PALLD: variants seen among roughly 807,000 people sequenced by gnomAD.
PALLD encodes palladin, cytoskeletal associated protein.
PALLD carries 61 observed loss-of-function variants against 123.5 expected under a neutral mutation model. The ratio of observed to expected loss-of-function variants is 0.49; its 90% CI spans 0.40 to 0.61. PALLD has a LOEUF of 0.61. Ranked by LOEUF, PALLD falls within the 20% of genes least tolerant of loss-of-function variation. PALLD has a pLI of 0.00. For missense variants in PALLD, 1,273 were observed against 1,377.0 expected (o/e 0.92, Z 1.20); for synonymous variants, 465 against 496.4 (o/e 0.94, Z 0.84).
intron 10 of PALLD, among the ~76,000 whole-genome samples, chr4:168,744,894 C>T (rs1035075956): frequency 6.6e-6 from 1 of 152,110 alleles, no homozygotes; most frequent in Non-Finnish European, 1.5e-5. Flanking sequence ...TAAAGGTAGG[C>T]TGAGCTATGA....
chr4:168,564,496 G>A (rs1313607144), intron 2 of PALLD, among the ~76,000 whole-genome samples: 2 of 152,144 alleles, frequency 1.3e-5, no homozygotes, highest in Admixed American at 6.6e-5. Context: ...GCTCTTCAAG[G>A]TCTTACTAGA....
In PALLD at chr4:168,759,203, ATATATATATATAT is replaced by A. The variant is rs1269222588; in HGVS notation, c.1964+47281_1964+47293del. ...TCAAAAAAAAAAAAAAAAAAAAAAAATATATATATATATATATATATATATATATATATATATA... is the reference window on the plus strand; with the variant it reads ...TCAAAAAAAAAAAAAAAAAAAAAAAAATATATATATATATATATATATATA... On this transcript the variant is annotated intron_variant, in intron 10 of 21. Transcript: ENST00000505667. Among the ~76,000 whole-genome samples the A allele has an allele frequency of 1.7e-3, 69 of 39,494 alleles. 10 individuals are homozygous for A. The highest frequency in any genetic ancestry group is 2.5e-3 in the African/African-American group (19 of 7,492). The allele number at this position is 39,494 out of a possible 152,430, so 25.9% of individuals were successfully genotyped here.
At chr4:168,833,307 G>A (rs1225544939) in intron 10 of PALLD, among the ~76,000 whole-genome samples, 1 of 151,870 alleles carries the variant, frequency 6.6e-6, no homozygotes, top group Non-Finnish European at 1.5e-5. Context: ...CTGCGGAGCC[G>A]GGTCTTGCGC....
At chr4:168,849,266 C>A (rs556616990) in intron 10 of PALLD, among the ~76,000 whole-genome samples, 15 of 152,366 alleles carry the variant, frequency 9.8e-5, no homozygotes, top group Admixed American at 3.9e-4. Context: ...GCCCCTGGTG[C>A]AAGCACCAGC....
intron 2 of PALLD, among the ~76,000 whole-genome samples, chr4:168,564,544 A>G (rs1224751675): frequency 6.6e-6 from 1 of 152,196 alleles, no homozygotes; most frequent in East Asian, 1.9e-4. Flanking sequence ...TAGACTAAAC[A>G]AGATGTTTTC....
At chr4:168,713,322 A>C (rs527685632) in intron 10 of PALLD, among the ~76,000 whole-genome samples, 2 of 152,322 alleles carry the variant, frequency 1.3e-5, no homozygotes, top group Non-Finnish European at 2.9e-5. Context: ...AGCAACCCAT[A>C]AAATTAATTG....
intron 10 of PALLD, among the ~76,000 whole-genome samples, chr4:168,719,550 A>G (rs887717323): frequency 7.2e-5 from 11 of 152,162 alleles, no homozygotes; most frequent in South Asian, 4.1e-4. Flanking sequence ...GTGAGCCACC[A>G]TGCCCAGCCA....
intron 2 of PALLD, among the ~76,000 whole-genome samples, chr4:168,572,106 C>T (rs369269236): frequency 6.6e-6 from 1 of 152,052 alleles, no homozygotes; most frequent in African/African-American, 2.4e-5. Flanking sequence ...AGTAAGAAAT[C>T]GACTTCCTGT....
At chr4:168,784,364 A>G (rs10006432) in intron 10 of PALLD, among the ~76,000 whole-genome samples, 50,107 of 151,976 alleles carry the variant, frequency 0.33, 8,898 homozygotes, top group Non-Finnish European at 0.41. Context: ...AGAAAAGAAA[A>G]GAAAAGAGAA....
At chr4:168,753,223 G>A (rs1731304266) in intron 10 of PALLD, among the ~76,000 whole-genome samples, 6 of 152,080 alleles carry the variant, frequency 3.9e-5, no homozygotes, top group Admixed American at 1.3e-4. Context: ...TGCCATTTAA[G>A]TACAAGGAGA....
intron 10 of PALLD, among the ~76,000 whole-genome samples, chr4:168,764,663 C>T (rs754665476): frequency 6.6e-6 from 1 of 152,150 alleles, no homozygotes; most frequent in South Asian, 2.1e-4. Context: ...GGTGTCCATG[C>T]GTTAGGCAAA....
chr4:168,531,497 C>T lies in PALLD; in HGVS notation c.908+19085C>T, dbSNP rs577138315. Reference sequence around the variant, plus strand: ...CCAGACCAGAACAAAGCTGAAAAATCGGCAGGTGTGAATGACTCACACTGG... The same window carrying T: ...CCAGACCAGAACAAAGCTGAAAAATTGGCAGGTGTGAATGACTCACACTGG... On this transcript the variant is annotated intron_variant, in intron 2 of 21. Coordinates refer to ENST00000505667, the MANE Select transcript of PALLD (RefSeq NM_001166108.2). Among the ~76,000 whole-genome samples the T allele has an allele frequency of 9.8e-5, 15 of 152,286 alleles. No homozygotes were observed. The East Asian group carries it at 1.5e-3, about 16-fold the overall frequency.
intron 2 of PALLD, among the ~76,000 whole-genome samples, chr4:168,604,429 C>A (rs1772967081): frequency 6.6e-6 from 1 of 152,156 alleles, no homozygotes; most frequent in African/African-American, 2.4e-5. Flanking sequence ...GAACACGTAA[C>A]ATGGCCAGTT....
intron 2 of PALLD, among the ~76,000 whole-genome samples, chr4:168,540,777 T>C (rs1213979086): frequency 6.6e-6 from 1 of 151,440 alleles, no homozygotes; most frequent in Non-Finnish European, 1.5e-5. Flanking sequence ...GCCCCCTTTT[T>C]AATGAAAAGA....
chr4:168,605,057 T>C (rs1285875538), intron 2 of PALLD, among the ~76,000 whole-genome samples: 1 of 152,170 alleles, frequency 6.6e-6, no homozygotes, highest in Non-Finnish European at 1.5e-5. Flanking sequence ...GAATATCAAA[T>C]ATAAACTGCC....
chr4:168,907,748 G>C (rs1054699120), intron 15 of PALLD, among the ~76,000 whole-genome samples: 1 of 152,144 alleles, frequency 6.6e-6, no homozygotes, highest in Admixed American at 6.5e-5. Flanking sequence ...GCAATGAGAA[G>C]TGGACCAAGA....
chr4:168,805,008 A>AC (rs1255220725), intron 10 of PALLD, among the ~76,000 whole-genome samples: 3 of 152,064 alleles, frequency 2.0e-5, no homozygotes, highest in Non-Finnish European at 4.4e-5. Flanking sequence ...AAAATACAAA[A>AC]ATTAGCTGGG....
intron 2 of PALLD, among the ~76,000 whole-genome samples, chr4:168,527,422 CA>C (rs35555541): frequency 0.014 from 757 of 52,856 alleles, 14 homozygotes; most frequent in African/African-American, 0.074. Context: ...AACTCCATCT[CA>C]AAAAAAAAAA....
At chr4:168,661,966 A>C (rs1369826351) in intron 2 of PALLD, among the ~76,000 whole-genome samples, 1 of 152,146 alleles carries the variant, frequency 6.6e-6, no homozygotes, top group African/African-American at 2.4e-5. Context: ...TCTTTCCCTT[A>C]ATTTGAATTT....
Sources: allele counts gnomAD v4.1 joint callset (sites outside exome capture counted in the v4.1 genomes callset), GRCh38; gene constraint gnomAD v4.1.1; transcripts MANE v1.5; gene names NCBI Gene and HGNC (gene_info 2026-07-23, HGNC 2026-07-21).